The following IQGAP2 variants were observed in gnomAD, a reference collection of about 807,000 sequenced individuals.
IQGAP2 encodes the protein IQ motif containing GTPase activating protein 2, also known as ras GTPase-activating-like protein IQGAP2.
IQGAP2 carries 173 observed loss-of-function variants against 201.3 expected under a neutral mutation model. That is an observed-to-expected ratio of 0.86 (90% confidence interval 0.76 to 0.98). The LOEUF is 0.98. IQGAP2 is among the 50% of genes least tolerant of loss of function. The probability of loss-of-function intolerance (pLI) is 0.00; values close to 1 mark genes in which losing one functional copy is unlikely to be tolerated. For synonymous variants in IQGAP2, 675 were observed against 673.9 expected (o/e 1.00, Z -0.03); for missense variants, 1,687 against 1,864.8 (o/e 0.90, Z 1.76).
chr5:76,413,267 C>G (rs992799236), intron 1 of IQGAP2, among the ~76,000 whole-genome samples: 2 of 139,250 alleles, frequency 1.4e-5, no homozygotes, highest in Non-Finnish European at 3.0e-5. Flanking sequence ...CTCCCAGGTT[C>G]AAGCAATTCT....
At chr5:76,537,646 T>C (rs1228001575) in intron 2 of IQGAP2, among the ~76,000 whole-genome samples, 2 of 152,252 alleles carry the variant, frequency 1.3e-5, no homozygotes, top group African/African-American at 4.8e-5. Context: ...ATTTTAATGA[T>C]TTAAAAATGT....
chr5:76,505,992 G>A (rs1320358884), intron 2 of IQGAP2, among the ~76,000 whole-genome samples: 2 of 152,134 alleles, frequency 1.3e-5, no homozygotes, highest in African/African-American at 4.8e-5. Context: ...GACACTTTCT[G>A]TGTAGCAGAT....
intron 1 of IQGAP2, among the ~76,000 whole-genome samples, chr5:76,408,177 A>G (rs1172677891): frequency 1.3e-5 from 2 of 152,164 alleles, no homozygotes; most frequent in Admixed American, 6.5e-5. Flanking sequence ...AACAAAACCT[A>G]GTATACAAAC....
chr5:76,639,273 A>G (rs952615599), intron 16 of IQGAP2, among the ~76,000 whole-genome samples: 35 of 152,202 alleles, frequency 2.3e-4, no homozygotes, highest in African/African-American at 7.0e-4. Flanking sequence ...GTCAATAAAC[A>G]GATTTATTTC....
intron 5 of IQGAP2, among the ~76,000 whole-genome samples, chr5:76,577,595 A>G (rs1745555545): frequency 6.6e-6 from 1 of 152,118 alleles, no homozygotes; most frequent in East Asian, 1.9e-4. Flanking sequence ...GCCTCTCACT[A>G]TGGAGCCGAG....
chr5:76,503,460 C>T (rs886156081), intron 2 of IQGAP2, among the ~76,000 whole-genome samples: 1 of 152,056 alleles, frequency 6.6e-6, no homozygotes, highest in Non-Finnish European at 1.5e-5. Flanking sequence ...CAGGCATCAG[C>T]CACCGCTCCT....
intron 4 of IQGAP2, among the ~76,000 whole-genome samples, chr5:76,573,612 T>G (rs564807631): frequency 6.6e-6 from 1 of 152,058 alleles, no homozygotes; most frequent in Non-Finnish European, 1.5e-5. Flanking sequence ...CCGGTAATAC[T>G]CTTTTTTGTT....
chr5:76,552,010 G>A (rs974858006), intron 2 of IQGAP2, among the ~76,000 whole-genome samples: 2 of 152,142 alleles, frequency 1.3e-5, no homozygotes, highest in African/African-American at 4.8e-5. Flanking sequence ...GACAGAGAGA[G>A]CCTCACCCTT....
intron 13 of IQGAP2, among the ~76,000 whole-genome samples, chr5:76,620,777 C>T (rs1400265579): frequency 3.9e-5 from 6 of 152,132 alleles, no homozygotes; most frequent in South Asian, 2.1e-4. Flanking sequence ...GAGGAAAAAT[C>T]GGAAGATGAA....
At chr5:76,536,855 G>A (rs1016064649) in intron 2 of IQGAP2, among the ~76,000 whole-genome samples, 9 of 151,976 alleles carry the variant, frequency 5.9e-5, no homozygotes, top group Non-Finnish European at 1.0e-4. Context: ...TTCAGAAACC[G>A]GACAGAGCTT....
intron 2 of IQGAP2, among the ~76,000 whole-genome samples, chr5:76,543,948 G>A (rs1022669328): frequency 3.3e-5 from 5 of 152,174 alleles, no homozygotes; most frequent in Admixed American, 2.6e-4. Flanking sequence ...TGTTAGGCAG[G>A]TGAAATGGTA....
At chr5:76,657,979 A>T (rs1283927747) in intron 20 of IQGAP2, among the ~76,000 whole-genome samples, 1 of 152,128 alleles carries the variant, frequency 6.6e-6, no homozygotes, top group African/African-American at 2.4e-5. Context: ...GCCCTTTTCT[A>T]ATTCAGCTTT....
Position 76,462,949 on chromosome 5 carries a change from T to A in IQGAP2, c.146+1280T>A, listed in dbSNP as rs546305167. On this transcript the variant is annotated intron_variant, in intron 2 of 35. Transcript: ENST00000274364. ...CATTAAAAACATGCTTTTAGTCAAG[T>A]TGTCGCAAAAAAGTTAGATAAGGAG... is the stretch of plus-strand genomic sequence containing the variant. 3.3e-5 allele frequency among the ~76,000 whole-genome samples: 5 copies of A among 151,008 alleles called. No individual in the cohort carries two copies. In the South Asian group the frequency reaches 1.0e-3, roughly 31 times the overall value.
chr5:76,637,232 T>C, intron 16 of IQGAP2, 56 bp downstream of exon 16: 1 of 1,379,286 alleles, frequency 7.3e-7, no homozygotes, highest in Non-Finnish European at 9.8e-7. Flanking sequence ...ATTTGACTGG[T>C]TTTCTATTTC....
At chr5:76,430,453 G>C (rs542232074) in intron 1 of IQGAP2, among the ~76,000 whole-genome samples, 1 of 152,324 alleles carries the variant, frequency 6.6e-6, no homozygotes, top group South Asian at 2.1e-4. Flanking sequence ...CAGGCTTCTT[G>C]CAGCATGGCA....
intron 14 of IQGAP2, among the ~76,000 whole-genome samples, chr5:76,629,388 TG>T (rs989302555): frequency 4.6e-5 from 7 of 152,176 alleles, no homozygotes; most frequent in African/African-American, 1.7e-4. Context: ...GAAAATGTGT[TG>T]GCCCAAATAT....
intron 2 of IQGAP2, among the ~76,000 whole-genome samples, chr5:76,544,652 T>C (rs1742983892): frequency 6.6e-6 from 1 of 152,212 alleles, no homozygotes; most frequent in Non-Finnish European, 1.5e-5. Context: ...TGTAATGTTA[T>C]GTGTACAGAG....
intron 2 of IQGAP2, among the ~76,000 whole-genome samples, chr5:76,549,113 A>C (rs540999369): frequency 6.6e-6 from 1 of 152,316 alleles, no homozygotes; most frequent in South Asian, 2.1e-4. Flanking sequence ...GGTGGTGAGC[A>C]GTAAAAACTA....
chr5:76,550,607 C>T (rs952215145), intron 2 of IQGAP2, among the ~76,000 whole-genome samples: 5 of 152,062 alleles, frequency 3.3e-5, no homozygotes, highest in African/African-American at 4.8e-5. Context: ...CATCTTGCAC[C>T]GCCCTTAATC....
Sources: allele counts gnomAD v4.1 joint callset (sites outside exome capture counted in the v4.1 genomes callset), GRCh38; gene constraint gnomAD v4.1.1; transcripts MANE v1.5; gene names NCBI Gene and HGNC (gene_info 2026-07-23, HGNC 2026-07-21).